The following ELOVL6 variants were observed in gnomAD, a reference collection of about 807,000 sequenced individuals.
ELOVL6 encodes ELOVL fatty acid elongase 6, also known as very long chain fatty acid elongase 6.
ELOVL6 carries 8 observed loss-of-function variants against 31.7 expected under a neutral mutation model. That is an observed-to-expected ratio of 0.25 (90% CI 0.15 to 0.45). The LOEUF is 0.45. Ranked by LOEUF, ELOVL6 falls within the 20% of genes least tolerant of loss-of-function variation. The pLI, the probability that ELOVL6 is intolerant of heterozygous loss-of-function variation, is 1.00. For synonymous variants in ELOVL6, 101 were observed against 117.7 expected (o/e 0.86, Z 0.92); for missense variants, 126 against 326.4 (o/e 0.39, Z 4.73).
At chr4:110,105,117 C>G (rs2106994) in intron 2 of ELOVL6, among the ~76,000 whole-genome samples, 14 of 152,088 alleles carry the variant, frequency 9.2e-5, no homozygotes, top group Non-Finnish European at 1.9e-4. Context: ...AACAGCACAC[C>G]CAGGGTATTT....
intron 2 of ELOVL6, among the ~76,000 whole-genome samples, chr4:110,096,402 G>T (rs928192049): frequency 6.6e-6 from 1 of 152,144 alleles, no homozygotes; most frequent in Non-Finnish European, 1.5e-5. Context: ...ACTTTATTTT[G>T]ATTTGAGACT....
intron 1 of ELOVL6, among the ~76,000 whole-genome samples, chr4:110,196,550 G>C (rs1759794938): frequency 1.3e-5 from 2 of 152,198 alleles, no homozygotes; most frequent in South Asian, 2.1e-4. Context: ...CTGCGGTCTC[G>C]ACCCTTAGTG....
intron 2 of ELOVL6, among the ~76,000 whole-genome samples, chr4:110,071,953 G>A (rs971576194): frequency 2.5e-4 from 38 of 152,290 alleles, no homozygotes; most frequent in East Asian, 9.6e-4. Flanking sequence ...ACTTCATAAC[G>A]TGAGAAGGGC....
At chr4:110,108,326 T>C (rs1490865886) in intron 1 of ELOVL6, among the ~76,000 whole-genome samples, 2 of 152,222 alleles carry the variant, frequency 1.3e-5, no homozygotes, top group East Asian at 3.8e-4. Flanking sequence ...ATGAATATCT[T>C]CATACAATCC....
At chr4:110,085,408 T>C (rs145198643) in intron 2 of ELOVL6, among the ~76,000 whole-genome samples, 2 of 152,220 alleles carry the variant, frequency 1.3e-5, no homozygotes, top group Admixed American at 6.5e-5. Flanking sequence ...CTGGAAAAAA[T>C]AGCTGGTGAA....
At chr4:110,107,314 T>G (rs957439938) in intron 1 of ELOVL6, among the ~76,000 whole-genome samples, 1 of 152,210 alleles carries the variant, frequency 6.6e-6, no homozygotes, top group African/African-American at 2.4e-5. Flanking sequence ...CCACAAGACC[T>G]GGAACACAGT....
intron 1 of ELOVL6, among the ~76,000 whole-genome samples, chr4:110,108,030 C>A (rs1756932574): frequency 6.6e-6 from 1 of 152,160 alleles, no homozygotes. Context: ...ATTCCTTAAG[C>A]TGTCCTGTTG....
At chr4:110,111,481 C>A (rs1051034990) in intron 1 of ELOVL6, among the ~76,000 whole-genome samples, 7 of 149,778 alleles carry the variant, frequency 4.7e-5, no homozygotes, top group African/African-American at 1.5e-4. Flanking sequence ...ATTTAATAAA[C>A]TCATTGTATT....
rs571781068 is a variant in ELOVL6 at position 110,084,274 on chromosome 4, T to C, written c.221+21223A>G. Among the ~76,000 whole-genome samples, 65 of 132,976 alleles carry C rather than the reference T, an allele frequency of 4.9e-4. 5 individuals carry two copies. Among genetic ancestry groups the C allele is most frequent in the African/African-American group, 1.8e-3 (64 of 34,606 alleles). The allele number at this position is 132,976 out of a possible 152,430, so 87.2% of individuals were successfully genotyped here. On this transcript the variant is annotated intron_variant, in intron 2 of 3. Coordinates refer to ENST00000302274, the MANE Select transcript of ELOVL6 (RefSeq NM_024090.3). ...TATAACATATAGCTTATATGTGATA[T>C]ATAACATATATAACTTATATATGAT...
At chr4:110,178,397 C>T (rs1759173732) in intron 1 of ELOVL6, among the ~76,000 whole-genome samples, 2 of 152,072 alleles carry the variant, frequency 1.3e-5, no homozygotes, top group African/African-American at 4.8e-5. Context: ...AAAAAATTAG[C>T]CGAGTGTGGT....
intron 1 of ELOVL6, among the ~76,000 whole-genome samples, chr4:110,138,517 G>C (rs962710781): frequency 6.6e-6 from 1 of 152,168 alleles, no homozygotes; most frequent in African/African-American, 2.4e-5. Context: ...GGTGTTAGCA[G>C]GTGGAGGGGA....
intron 1 of ELOVL6, among the ~76,000 whole-genome samples, chr4:110,139,433 C>A (rs752939362): frequency 6.6e-6 from 1 of 152,078 alleles, no homozygotes; most frequent in Non-Finnish European, 1.5e-5. Context: ...TTATTTCTAT[C>A]GTAGTTTTCC....
chr4:110,112,369 A>T (rs112724536), intron 1 of ELOVL6, among the ~76,000 whole-genome samples: 11 of 152,252 alleles, frequency 7.2e-5, no homozygotes, highest in Non-Finnish European at 1.6e-4. Context: ...CCGCTAGGCT[A>T]ATCACAGCAT....
chr4:110,168,734 A>G (rs1056810846), intron 1 of ELOVL6, among the ~76,000 whole-genome samples: 3 of 152,164 alleles, frequency 2.0e-5, no homozygotes, highest in Non-Finnish European at 2.9e-5. Flanking sequence ...GTGGACAGGC[A>G]GTGTGGACCT....
At chr4:110,098,340 T>C (rs1404683287) in intron 2 of ELOVL6, among the ~76,000 whole-genome samples, 1 of 152,218 alleles carries the variant, frequency 6.6e-6, no homozygotes, top group Non-Finnish European at 1.5e-5. Flanking sequence ...ACCACCAGTA[T>C]GACCTGAATC....
At chr4:110,080,827 G>A (rs1018687355) in intron 2 of ELOVL6, among the ~76,000 whole-genome samples, 2 of 152,056 alleles carry the variant, frequency 1.3e-5, no homozygotes. Flanking sequence ...TGACATGATT[G>A]TATATCTAGA....
intron 2 of ELOVL6, among the ~76,000 whole-genome samples, chr4:110,080,692 T>C (rs1755813102): frequency 6.6e-6 from 1 of 152,308 alleles, no homozygotes; most frequent in African/African-American, 2.4e-5. Context: ...AAGACAGGGA[T>C]GCCCTCTCTC....
chr4:110,056,767 C>G (rs910251530), intron 3 of ELOVL6, among the ~76,000 whole-genome samples: 16 of 152,138 alleles, frequency 1.1e-4, no homozygotes, highest in Non-Finnish European at 1.6e-4. Flanking sequence ...AAGGGATTAT[C>G]ATGCCAGCAG....
intron 3 of ELOVL6, among the ~76,000 whole-genome samples, chr4:110,052,968 G>A (rs190675643): frequency 3.3e-5 from 5 of 152,230 alleles, no homozygotes; most frequent in Admixed American, 1.3e-4. Flanking sequence ...TTGTTTTTGA[G>A]ACAGGGTCTT....
Sources: allele counts gnomAD v4.1 joint callset (sites outside exome capture counted in the v4.1 genomes callset), GRCh38; gene constraint gnomAD v4.1.1; transcripts MANE v1.5; gene names NCBI Gene and HGNC (gene_info 2026-07-23, HGNC 2026-07-21).